The following FANCA variants were observed in gnomAD, a reference collection of about 807,000 sequenced individuals.
FANCA encodes FA complementation group A, also known as Fanconi anemia group A protein.
A neutral mutation model predicts 194.3 loss-of-function variants in FANCA; 236 were observed. The ratio of observed to expected loss-of-function variants is 1.21; its 90% confidence interval spans 1.09 to 1.35. The LOEUF is 1.35. Among genes scored for constraint, FANCA ranks in the 40% most tolerant of loss-of-function variants. FANCA has a pLI of 0.00. For missense variants in FANCA, 2,628 were observed against 1,813.9 expected (o/e 1.45, Z -8.15); for synonymous variants, 1,014 against 715.8 (o/e 1.42, Z -6.65).
intron 23 of FANCA, among the ~76,000 whole-genome samples, chr16:89,771,192 C>T (rs980420052): frequency 2.1e-5 from 3 of 145,930 alleles, no homozygotes; most frequent in Admixed American, 1.4e-4. Flanking sequence ...AGTGCCGTGG[C>T]TTATGCCTAT....
chr16:89,740,118 C>G lies in FANCA; in HGVS notation c.3829-19G>C. 1 of 1,607,936 alleles carries G rather than the reference C, an allele frequency of 6.2e-7. No individual in the cohort carries two copies. The highest frequency in any genetic ancestry group is 8.5e-7 in the Non-Finnish European group (1 of 1,174,686). On this transcript the variant is annotated intron_variant, in intron 38 of 42. Coordinates refer to ENST00000389301, the MANE Select transcript of FANCA (RefSeq NM_000135.4). ...TGGTGCTCTGTAAACCGCAGGAGACCAACCCTGAGAATGGCCGACCTGGTG... is the reference window on the plus strand; with the variant it reads ...TGGTGCTCTGTAAACCGCAGGAGACGAACCCTGAGAATGGCCGACCTGGTG...
chr16:89,756,598 T>A (rs1567608528), intron 30 of FANCA, among the ~76,000 whole-genome samples: 1 of 151,028 alleles, frequency 6.6e-6, no homozygotes, highest in Non-Finnish European at 1.5e-5. Flanking sequence ...CCAGCCTGGG[T>A]GACAAAGAAA....
chr16:89,753,746 C>G (rs1008105564), intron 30 of FANCA, among the ~76,000 whole-genome samples: 1 of 152,094 alleles, frequency 6.6e-6, no homozygotes, highest in African/African-American at 2.4e-5. Context: ...AGAACAGTGT[C>G]GCTGCCTCTA....
At chr16:89,779,458 T>TAA (rs112119479) in intron 18 of FANCA, among the ~76,000 whole-genome samples, 2 of 146,572 alleles carry the variant, frequency 1.4e-5, no homozygotes, top group Non-Finnish European at 3.0e-5. Flanking sequence ...AAGGCATTGA[T>TAA]AAAAAAAAAA....
At chr16:89,793,499 G>C (rs1040657959) in intron 11 of FANCA, among the ~76,000 whole-genome samples, 1 of 152,116 alleles carries the variant, frequency 6.6e-6, no homozygotes, top group African/African-American at 2.4e-5. Context: ...TCATATCTAA[G>C]ATCTATATCT....
At chr16:89,739,597 CCTATTATCAGTG>C in intron 39 of FANCA, 44 bp from the exon 40 acceptor site, 3 of 1,544,118 alleles carry the variant, frequency 1.9e-6, no homozygotes. Flanking sequence ...GACATCTCTG[CCTATTATCAGTG>C]CTGGGGACAC....
intron 8 of FANCA, among the ~76,000 whole-genome samples, chr16:89,800,231 GA>G (rs1263869196): frequency 6.6e-6 from 1 of 152,222 alleles, no homozygotes; most frequent in Non-Finnish European, 1.5e-5. Flanking sequence ...CTCAGGCCTT[GA>G]ATCTGGGCTG....
chr16:89,769,614 G>T, intron 26 of FANCA: 1 of 609,712 alleles, frequency 1.6e-6, no homozygotes, highest in Non-Finnish European at 2.9e-6. Context: ...AATTTCAGCA[G>T]TTTAGTATAA....
chr16:89,795,901 C>T lies in FANCA; in HGVS notation c.1006+5G>A, dbSNP rs939510524. The stretch of plus-strand genomic sequence containing the variant: ...GCAACTGAGCAGCCTCCACACTGGG[C>T]CTACCTTTCAGCACAGGGCTGTGAG... On this transcript the variant is annotated splice_donor_5th_base_variant and intron_variant, in intron 11 of 42. Transcript: ENST00000389301. 6.2e-7 allele frequency: 1 copy of T among 1,608,454 alleles called. No homozygotes were observed. Among genetic ancestry groups the T allele is most frequent in the Non-Finnish European group, 8.5e-7 (1 of 1,174,972 alleles).
intron 15 of FANCA, 59 bp from the exon 16 acceptor site, chr16:89,783,161 G>A: frequency 7.6e-7 from 1 of 1,315,352 alleles, no homozygotes; most frequent in Non-Finnish European, 1.1e-6. Context: ...GGACTCCAGG[G>A]AGGCCACAAT....
In FANCA at chr16:89,771,698, G is replaced by A. The variant is rs1010108785; in HGVS notation, c.2131C>T (p.Leu711=). 1 of 1,614,214 alleles carries A rather than the reference G, an allele frequency of 6.2e-7. No homozygotes were observed. The highest frequency in any genetic ancestry group is 8.5e-7 in the Non-Finnish European group (1 of 1,180,034). Reference sequence around the variant, plus strand: ...CCTACCATGTGTTCCCGTGGCTCCAGTCTCGGCGTGTTGATGCTGAGCTGA... The same window carrying A: ...CCTACCATGTGTTCCCGTGGCTCCAATCTCGGCGTGTTGATGCTGAGCTGA... ...KIQLSINTPR[L]EPREHMAVDL... is the part of the protein sequence containing the mutation. Residue 711 remains leucine, a synonymous_variant, in exon 23 of 43, where the codon CTG becomes TTG. Transcript: ENST00000389301.
At chr16:89,747,284 C>T (rs562141223) in intron 33 of FANCA, among the ~76,000 whole-genome samples, 59 of 152,372 alleles carry the variant, frequency 3.9e-4, no homozygotes, top group African/African-American at 1.4e-3. Flanking sequence ...GTTTTCCTGT[C>T]TGTCGGCTGT....
At chr16:89,754,903 T>G (rs1221725274) in intron 30 of FANCA, among the ~76,000 whole-genome samples, 3 of 152,140 alleles carry the variant, frequency 2.0e-5, no homozygotes, top group African/African-American at 7.2e-5. Flanking sequence ...CATCCCAAAA[T>G]TAAGACACAA....
intron 21 of FANCA, 122 bp from the exon 22 acceptor site, chr16:89,773,506 C>A (rs935217090): frequency 1.1e-5 from 8 of 756,344 alleles, no homozygotes; most frequent in Non-Finnish European, 1.8e-5. Context: ...GTGTGGCAGA[C>A]GGAGGGACTG....
Position 89,779,886 on chromosome 16 carries a change from G to C in FANCA, c.1698C>G (p.Val566=). 1 of 1,613,898 alleles carries C rather than the reference G, an allele frequency of 6.2e-7. No individual in the cohort carries two copies. The highest frequency in any genetic ancestry group is 8.5e-7 in the Non-Finnish European group (1 of 1,180,028). ...MVFEHTGNIP[V]TVMEASIFRR... is the part of the protein sequence containing the mutation. ...CAGCCTACCTGGCCTCCATGACGGTGACTGGGATGTTCCCCGTATGCTCAA... is the reference window on the plus strand; with the variant it reads ...CAGCCTACCTGGCCTCCATGACGGTCACTGGGATGTTCCCCGTATGCTCAA... Residue 566 remains valine, a synonymous_variant, in exon 18 of 43, where the codon GTC becomes GTG. Coordinates refer to ENST00000389301, the MANE Select transcript of FANCA (RefSeq NM_000135.4).
intron 7 of FANCA, 48 bp from the exon 8 acceptor site, chr16:89,803,389 A>C (rs1260475070): frequency 1.9e-6 from 3 of 1,541,658 alleles, no homozygotes; most frequent in Non-Finnish European, 2.7e-6. Context: ...ATGGTCTCCA[A>C]GCAACTGTGA....
chr16:89,780,637 AAC>A (rs1262114144), intron 17 of FANCA, among the ~76,000 whole-genome samples: 8 of 151,744 alleles, frequency 5.3e-5, no homozygotes, highest in Non-Finnish European at 1.2e-4. Context: ...AAAAAAAAAA[AAC>A]ATTCTGAGGC....
intron 3 of FANCA, among the ~76,000 whole-genome samples, chr16:89,811,407 G>A (rs575220409): frequency 6.6e-6 from 1 of 152,340 alleles, no homozygotes; most frequent in Non-Finnish European, 1.5e-5. Context: ...ATTGAGAACT[G>A]CAGCAGGCTC....
At chr16:89,809,942 C>T (rs1425831705) in intron 5 of FANCA, among the ~76,000 whole-genome samples, 1 of 152,064 alleles carries the variant, frequency 6.6e-6, no homozygotes, top group Non-Finnish European at 1.5e-5. Flanking sequence ...AGGACAATCG[C>T]TTGAACCTGG....
Sources: gnomAD v4.1 joint callset for allele counts (sites outside exome capture counted in the v4.1 genomes callset) on GRCh38, gnomAD v4.1.1 for gene constraint, MANE v1.5 for transcripts, NCBI Gene and HGNC (gene_info 2026-07-23, HGNC 2026-07-21) for gene names.